The following AHNAK variants were observed in gnomAD, a reference collection of about 807,000 sequenced individuals.
The protein encoded by AHNAK is AHNAK nucleoprotein.
In AHNAK, 23 loss-of-function variants were observed where a neutral mutation model predicts 37.8. The ratio of observed to expected loss-of-function variants is 0.61; its 90% CI spans 0.44 to 0.86. AHNAK has a LOEUF of 0.86. Ranked by LOEUF, AHNAK falls within the 40% of genes least tolerant of loss-of-function variation. The pLI is 0.00. For missense variants in AHNAK, 7,411 were observed against 7,319.4 expected (o/e 1.01, Z -0.46); for synonymous variants, 2,481 against 2,636.3 (o/e 0.94, Z 1.80).
At chr11:62,503,074 G>C (rs1030871061) in intron 4 of AHNAK, among the ~76,000 whole-genome samples, 3 of 152,328 alleles carry the variant, frequency 2.0e-5, no homozygotes, top group Middle Eastern at 3.4e-3. Context: ...TATTCCGTGA[G>C]AGTTCAGCAA....
At chr11:62,477,620 G>A (rs1939178666) in intron 5 of AHNAK, among the ~76,000 whole-genome samples, 1 of 152,130 alleles carries the variant, frequency 6.6e-6, no homozygotes. Flanking sequence ...TGGCCAACAT[G>A]GTGAAACCCC....
chr11:62,437,920 T>C (rs564141097), intron 5 of AHNAK, among the ~76,000 whole-genome samples: 5 of 152,180 alleles, frequency 3.3e-5, no homozygotes, highest in African/African-American at 9.6e-5. Context: ...TCTTTTTTTT[T>C]CTTTTGCATT....
chr11:62,510,245 A>C (rs993557228), intron 4 of AHNAK, among the ~76,000 whole-genome samples: 1 of 151,364 alleles, frequency 6.6e-6, no homozygotes, highest in Non-Finnish European at 1.5e-5. Flanking sequence ...GGGTTTCACT[A>C]TGTTGGCCAG....
At position 62,526,640 on chromosome 11, in the gene AHNAK, C is replaced by T. The variant is rs749848737; in HGVS notation, c.7777G>A (p.Val2593Met). 6.2e-7 allele frequency: 1 copy of T among 1,613,220 alleles called. No individual in the cohort carries two copies. Among genetic ancestry groups the T allele is most frequent in the Admixed American group, 1.7e-5 (1 of 59,896 alleles). Residue 2593 changes from valine (V) to methionine (M), a missense_variant, in exon 5 of 5, where the codon GTG becomes ATG. Transcript: ENST00000378024. ...AGAGAAACATCCACATCGCCCTTCA[C>T]CTTGGGACCTTTCAGATGCAAATCA... ...DFDLHLKGPK[V>M]KGDVDVSLPK...
intron 5 of AHNAK, among the ~76,000 whole-genome samples, chr11:62,481,231 G>A (rs1172929259): frequency 3.3e-5 from 5 of 151,768 alleles, no homozygotes; most frequent in South Asian, 2.1e-4. Context: ...TCAACCTCCC[G>A]AGTAGCTGGG....
intron 5 of AHNAK, among the ~76,000 whole-genome samples, chr11:62,475,736 C>G (rs1590612813): frequency 6.6e-6 from 1 of 150,548 alleles, no homozygotes; most frequent in African/African-American, 2.4e-5. Context: ...TCCCAAGTAG[C>G]TGGGATTACA....
At chr11:62,459,238 C>A (rs1285132222) in intron 5 of AHNAK, among the ~76,000 whole-genome samples, 1 of 152,150 alleles carries the variant, frequency 6.6e-6, no homozygotes, top group Admixed American at 6.6e-5. Context: ...TGAGATTTCA[C>A]AACACTTCAC....
chr11:62,517,936 A>T lies in AHNAK; in HGVS notation c.16481T>A (p.Met5494Lys). ...ACATCCAGAGGACTTAATTCCAGGC[A>T]TCTGGAGGTTTCCTTCTAGGCCTTG... ...GVQGLEGNLQ[M>K]PGIKSSGCDV... Residue 5494 changes from methionine to lysine, a missense_variant, in exon 5 of 5, where the codon ATG becomes AAG. Physicochemically the swap from Met to Lys is moderately conservative, Grantham distance 95 (BLOSUM62 -1). Transcript: ENST00000378024. 5 of 1,614,194 alleles carry T rather than the reference A, an allele frequency of 3.1e-6. No individual in the cohort carries two copies. Among genetic ancestry groups the T allele is most frequent in the Middle Eastern group, 3.3e-4 (2 of 6,062 alleles).
At chr11:62,491,661 C>G in intron 5 of AHNAK, 1 of 1,420,188 alleles carries the variant, frequency 7.0e-7, no homozygotes, top group South Asian at 1.3e-5. Context: ...GCAGGCATGC[C>G]CATCTGTGAT....
At chr11:62,490,989 T>C (rs1939496410) in intron 5 of AHNAK, among the ~76,000 whole-genome samples, 2 of 152,114 alleles carry the variant, frequency 1.3e-5, no homozygotes. Context: ...GGTTTCACTA[T>C]GTTGGCTAGG....
At chr11:62,535,892 C>A in intron 3 of AHNAK, 53 bp downstream of exon 3, 1 of 1,563,556 alleles carries the variant, frequency 6.4e-7, no homozygotes, top group Non-Finnish European at 8.6e-7. Flanking sequence ...CCTCCAACAC[C>A]CCCACCGACC....
intron 5 of AHNAK, among the ~76,000 whole-genome samples, chr11:62,448,933 T>C (rs1472573353): frequency 5.3e-5 from 8 of 152,052 alleles, no homozygotes; most frequent in Non-Finnish European, 1.2e-4. Flanking sequence ...CCAGGCGTGG[T>C]GGTGGGCACA....
At chr11:62,469,118 C>T (rs1395900464) in intron 5 of AHNAK, among the ~76,000 whole-genome samples, 3 of 151,936 alleles carry the variant, frequency 2.0e-5, no homozygotes, top group Admixed American at 2.0e-4. Context: ...TTGGGATCTC[C>T]TGATTTCCTT....
intron 5 of AHNAK, among the ~76,000 whole-genome samples, chr11:62,476,439 G>A (rs937683760): frequency 2.6e-5 from 4 of 152,280 alleles, no homozygotes; most frequent in East Asian, 1.9e-4. Context: ...GATGAGGAGC[G>A]TCGTGGCGCC....
chr11:62,534,072 G>A lies in AHNAK; in HGVS notation c.345C>T (p.Ser115=), dbSNP rs117532364. 153 of 1,530,910 alleles carry A rather than the reference G, an allele frequency of 1.0e-4. No individual in the cohort carries two copies. Among genetic ancestry groups the A allele is most frequent in the East Asian group, 3.2e-4 (14 of 44,092 alleles). 94.8% of individuals were successfully genotyped at this position (1,530,910 alleles called of 1,614,324 possible). A position where few individuals can be genotyped will look rare whatever the true frequency, so the allele number is the denominator to read the frequency against. ...TGCGCTGGTACTCCTCATCATCCCC[G>A]CTCTGCAGAAAGACACGCCGGGCAG... ...FSSCSSEVVL[S]GDDEEYQRIY... The change falls in exon 5 of 5, where the codon AGC becomes AGT. Residue 115 remains serine (S), a splice_region_variant and synonymous_variant. Coordinates refer to ENST00000378024, the MANE Select transcript of AHNAK (RefSeq NM_001620.3).
In AHNAK at chr11:62,523,278, G is replaced by T. The variant is rs1479932064; in HGVS notation, c.11139C>A (p.Asp3713Glu). 6.2e-7 allele frequency: 1 copy of T among 1,613,730 alleles called. No individual in the cohort carries two copies. The highest frequency in any genetic ancestry group is 1.3e-5 in the African/African-American group (1 of 74,824). The change falls in exon 5 of 5, where the codon GAC (aspartate) becomes GAA (glutamate). Residue 3713 changes from aspartate (D) to glutamate (E), a missense_variant. Physicochemically the swap from Asp to Glu is conservative, Grantham distance 45. Coordinates refer to ENST00000378024, the MANE Select transcript of AHNAK (RefSeq NM_001620.3). Reference protein sequence around the residue: ...PEVDIKGPKVDIDTPDINIEG... With the variant: ...PEVDIKGPKVEIDTPDINIEG... The stretch of plus-strand genomic sequence containing the variant: ...CGATGTTAATGTCAGGAGTGTCAAT[G>T]TCCACTTTGGGGCCCTTGATGTCCA...
In AHNAK at chr11:62,530,220, G is replaced by A; in HGVS notation, c.4197C>T (p.Gly1399=). The change falls in exon 5 of 5, where the codon GGC becomes GGT. Residue 1399 remains glycine, a synonymous_variant. Coordinates refer to ENST00000378024, the MANE Select transcript of AHNAK (RefSeq NM_001620.3). ...KFSMPGFKGE[G]PEVDVKLPKA... ...TGGGCAGCTTCACATCCACTTCAGGGCCCTCTCCTTTGAAGCCGGGCATGC... is the reference window on the plus strand; with the variant it reads ...TGGGCAGCTTCACATCCACTTCAGGACCCTCTCCTTTGAAGCCGGGCATGC... 6.2e-7 allele frequency: 1 copy of A among 1,611,716 alleles called. No homozygotes were observed. Among genetic ancestry groups the A allele is most frequent in the Non-Finnish European group, 8.5e-7 (1 of 1,179,512 alleles).
chr11:62,522,802 T>G lies in AHNAK; in HGVS notation c.11615A>C (p.Lys3872Thr), dbSNP rs1940313494. The change falls in exon 5 of 5, where the codon AAG (lysine) becomes ACG (threonine). Residue 3872 changes from lysine to threonine, a missense_variant. Physicochemically the swap from Lys to Thr is moderately conservative, Grantham distance 78 (BLOSUM62 -1). Coordinates refer to ENST00000378024, the MANE Select transcript of AHNAK (RefSeq NM_001620.3). ...AAGATCAATGTCAGGCATGGAGATC[T>G]TGGGGGCTTTGATGTTCATCTCAGG... ...KMPEMNIKAP[K>T]ISMPDIDLNL... The G allele has an allele frequency of 6.8e-6, 11 of 1,613,956 alleles. No homozygotes were observed. In the East Asian group the frequency reaches 2.2e-4, roughly 33 times the overall value.
intron 5 of AHNAK, among the ~76,000 whole-genome samples, chr11:62,437,736 G>A (rs1475312788): frequency 1.3e-5 from 2 of 152,106 alleles, no homozygotes; most frequent in Non-Finnish European, 2.9e-5. Context: ...AATATAATCT[G>A]CCAAACAATG....
Sources: allele counts gnomAD v4.1 joint callset (sites outside exome capture counted in the v4.1 genomes callset), GRCh38; gene constraint gnomAD v4.1.1; transcripts MANE v1.5; gene names NCBI Gene and HGNC (gene_info 2026-07-23, HGNC 2026-07-21).